Variants in GTF2E1 observed in about 807,000 individuals in gnomAD.
The protein encoded by GTF2E1 is general transcription factor IIE subunit 1.
In GTF2E1, 14 loss-of-function variants were observed where a neutral mutation model predicts 34.9. The ratio of observed to expected loss-of-function variants is 0.40; its 90% CI spans 0.27 to 0.63. The LOEUF (loss-of-function observed/expected upper bound fraction) is 0.63. GTF2E1 is among the 20% of genes least tolerant of loss of function. The pLI, the probability that GTF2E1 is intolerant of heterozygous loss-of-function variation, is 0.39. For missense variants in GTF2E1, 469 were observed against 557.7 expected (o/e 0.84, Z 1.60); for synonymous variants, 188 against 192.9 (o/e 0.97, Z 0.21).
chr3:120,761,040 G>T (rs1559831818), intron 2 of GTF2E1, among the ~76,000 whole-genome samples: 2 of 151,362 alleles, frequency 1.3e-5, no homozygotes, highest in African/African-American at 4.8e-5. Flanking sequence ...ATTCAGCTGT[G>T]TCTGGTCCTG....
chr3:120,775,377 T>C (rs1323156736), intron 3 of GTF2E1, among the ~76,000 whole-genome samples: 1 of 151,930 alleles, frequency 6.6e-6, no homozygotes, highest in East Asian at 1.9e-4. Flanking sequence ...CCCAAAAGGT[T>C]TGGAGTGAGC....
chr3:120,758,755 C>CA (rs1371145627), intron 2 of GTF2E1, among the ~76,000 whole-genome samples: 1 of 152,110 alleles, frequency 6.6e-6, no homozygotes, highest in Admixed American at 6.6e-5. Context: ...ATGAACTTAT[C>CA]TTTTTTATGG....
intron 2 of GTF2E1, among the ~76,000 whole-genome samples, chr3:120,751,392 G>GTA (rs1255802869): frequency 1.3e-5 from 2 of 152,164 alleles, no homozygotes; most frequent in Non-Finnish European, 1.5e-5. Flanking sequence ...GGTATCAGGA[G>GTA]TATATAACTA....
intron 2 of GTF2E1, among the ~76,000 whole-genome samples, chr3:120,754,342 A>G (rs924213484): frequency 3.3e-5 from 5 of 152,186 alleles, no homozygotes; most frequent in Admixed American, 3.3e-4. Flanking sequence ...CCAGCCTTTT[A>G]CGTATTACCT....
At position 120,768,753 on chromosome 3, in the gene GTF2E1, T is replaced by C. The variant is rs182198309; in HGVS notation, c.449-1975T>C. On this transcript the variant is annotated intron_variant, in intron 2 of 4. Transcript: ENST00000283875. The stretch of plus-strand genomic sequence containing the variant: ...CCCACATGATTATATTCCTTGCTTC[T>C]GTTGAAGAGAAGAGGCTGAGACAGC... Among the ~76,000 whole-genome samples, 209 of 152,328 alleles carry C rather than the reference T, an allele frequency of 1.4e-3. 1 individual carries two copies. The highest frequency in any genetic ancestry group is 5.6e-3 in the Admixed American group (85 of 15,302).
Position 120,752,815 on chromosome 3 carries a change from G to A in GTF2E1, c.448+1815G>A, listed in dbSNP as rs754729609. ...GACTATTTTTAATGTGAGGGCTATG[G>A]TCAGCATGAAGATGAAAAGAAGGGG... On this transcript the variant is annotated intron_variant, in intron 2 of 4. Transcript: ENST00000283875. Among the ~76,000 whole-genome samples the A allele has an allele frequency of 7.6e-4, 115 of 152,274 alleles. 1 individual carries two copies. Among genetic ancestry groups the A allele is most frequent in the Non-Finnish European group, 3.8e-4 (26 of 68,006 alleles).
intron 2 of GTF2E1, among the ~76,000 whole-genome samples, chr3:120,753,546 G>A (rs1249939452): frequency 6.6e-6 from 1 of 152,142 alleles, no homozygotes; most frequent in East Asian, 1.9e-4. Flanking sequence ...AATTGGATTT[G>A]AAGCCTGCTA....
intron 2 of GTF2E1, among the ~76,000 whole-genome samples, chr3:120,756,235 C>T (rs374034158): frequency 1.3e-5 from 2 of 152,148 alleles, no homozygotes; most frequent in East Asian, 1.9e-4. Flanking sequence ...CAACAGTGTA[C>T]GACAGTTCCC....
intron 2 of GTF2E1, among the ~76,000 whole-genome samples, chr3:120,770,166 T>C (rs1009587409): frequency 6.6e-6 from 1 of 152,206 alleles, no homozygotes; most frequent in South Asian, 2.1e-4. Context: ...AGAACCAAAC[T>C]GGAAATCCAG....
chr3:120,764,692 C>T (rs760733263), intron 2 of GTF2E1, among the ~76,000 whole-genome samples: 5 of 152,164 alleles, frequency 3.3e-5, no homozygotes, highest in South Asian at 2.1e-4. Context: ...CCTAGTGTCA[C>T]GTATCTGTGT....
chr3:120,781,359 C>G lies in GTF2E1; in HGVS notation c.1209C>G (p.Phe403Leu). ...DPIVMVAGRP[F>L]SYSEVSQRPE... Reference sequence around the variant, plus strand: ...TTGTCATGGTGGCTGGCCGTCCGTTCTCCTACAGTGAAGTGAGCCAACGGC... The same window carrying G: ...TTGTCATGGTGGCTGGCCGTCCGTTGTCCTACAGTGAAGTGAGCCAACGGC... Residue 403 changes from phenylalanine to leucine, a missense_variant, in exon 5 of 5, where the codon TTC becomes TTG. Coordinates refer to ENST00000283875, the MANE Select transcript of GTF2E1 (RefSeq NM_005513.3). The G allele has an allele frequency of 6.2e-7, 1 of 1,614,068 alleles. No homozygotes were observed. Among genetic ancestry groups the G allele is most frequent in the Non-Finnish European group, 8.5e-7 (1 of 1,179,926 alleles).
Position 120,781,391 on chromosome 3 carries a change from T to C in GTF2E1, c.1241T>C (p.Leu414Pro). 6.2e-7 allele frequency: 1 copy of C among 1,614,006 alleles called. No individual in the cohort carries two copies. ...AGTGAAGTGAGCCAACGGCCAGAGCTAGTGGCCCAGATGACACCAGAAGAA... is the reference window on the plus strand; with the variant it reads ...AGTGAAGTGAGCCAACGGCCAGAGCCAGTGGCCCAGATGACACCAGAAGAA... ...SYSEVSQRPE[L>P]VAQMTPEEKE... is the part of the protein sequence containing the mutation. Residue 414 changes from leucine to proline, a missense_variant, in exon 5 of 5, where the codon CTA becomes CCA. Physicochemically the swap from Leu to Pro is moderately conservative, Grantham distance 98. Transcript: ENST00000283875.
chr3:120,748,678 G>T (rs1434152853), intron 1 of GTF2E1, among the ~76,000 whole-genome samples: 1 of 152,214 alleles, frequency 6.6e-6, no homozygotes, highest in Middle Eastern at 3.2e-3. Context: ...TTGAAGTCAG[G>T]TAGCGTGATG....
intron 3 of GTF2E1, among the ~76,000 whole-genome samples, chr3:120,775,206 A>G (rs1239332186): frequency 6.6e-6 from 1 of 152,186 alleles, no homozygotes; most frequent in East Asian, 1.9e-4. Context: ...AAAATAGTGA[A>G]TGGCTTAGGA....
rs939906050 is a variant in GTF2E1, at chr3:120,750,731, G to A, written c.179G>A (p.Arg60Gln). The A allele has an allele frequency of 1.3e-5, 21 of 1,613,854 alleles. No individual in the cohort carries two copies. Among genetic ancestry groups the A allele is most frequent in the Non-Finnish European group, 1.7e-5 (20 of 1,179,948 alleles). ...ELLKFDRKQLRSVLNNLKGDK... is the reference protein window; with the variant it reads ...ELLKFDRKQLQSVLNNLKGDK... ...CTCAAGTTTGATCGGAAGCAACTTC[G>A]ATCAGTTTTGAATAATTTAAAGGGA... Residue 60 changes from arginine to glutamine, a missense_variant, in exon 2 of 5, where the codon CGA (arginine) becomes CAA (glutamine). By Grantham distance (43) the Arg-to-Gln change is conservative (BLOSUM62 1). Coordinates refer to ENST00000283875, the MANE Select transcript of GTF2E1 (RefSeq NM_005513.3).
rs754667589 is a variant in GTF2E1, at chr3:120,750,743, A to G, written c.191A>G (p.Asn64Ser). The G allele has an allele frequency of 1.9e-6, 3 of 1,614,104 alleles. No individual in the cohort carries two copies. Among genetic ancestry groups the G allele is most frequent in the Non-Finnish European group, 2.5e-6 (3 of 1,179,976 alleles). Residue 64 changes from asparagine to serine, a missense_variant, in exon 2 of 5, where the codon AAT (asparagine) becomes AGT (serine). Physicochemically the swap from Asn to Ser is conservative, Grantham distance 46 (BLOSUM62 1). Transcript: ENST00000283875. ...FDRKQLRSVL[N>S]NLKGDKFIKC... The stretch of plus-strand genomic sequence containing the variant: ...CGGAAGCAACTTCGATCAGTTTTGA[A>G]TAATTTAAAGGGAGACAAGTTTATC...
intron 3 of GTF2E1, among the ~76,000 whole-genome samples, chr3:120,771,142 A>C (rs1709347435): frequency 6.6e-6 from 1 of 152,144 alleles, no homozygotes; most frequent in Non-Finnish European, 1.5e-5. Context: ...GACTTCAGGC[A>C]AAAATCTTTA....
rs561772164 is a variant in GTF2E1, at chr3:120,770,497, G to A, written c.449-231G>A. Among the ~76,000 whole-genome samples the A allele has an allele frequency of 7.9e-5, 12 of 152,232 alleles. No individual in the cohort carries two copies. In the South Asian group the frequency reaches 2.5e-3, roughly 32 times the overall value. The stretch of plus-strand genomic sequence containing the variant: ...GTGATTAAAAACTATGCTGAAGTTA[G>A]GGATGAAATTACTTTGAATACATCA... On this transcript the variant is annotated intron_variant, in intron 2 of 4. Coordinates refer to ENST00000283875, the MANE Select transcript of GTF2E1 (RefSeq NM_005513.3).
chr3:120,763,313 G>C (rs951540602), intron 2 of GTF2E1, among the ~76,000 whole-genome samples: 2 of 151,956 alleles, frequency 1.3e-5, no homozygotes, highest in African/African-American at 4.8e-5. Flanking sequence ...TTTATAATGA[G>C]TTCCAGAATG....
Sources: allele counts gnomAD v4.1 joint callset (sites outside exome capture counted in the v4.1 genomes callset), GRCh38; gene constraint gnomAD v4.1.1; transcripts MANE v1.5; gene names NCBI Gene and HGNC (gene_info 2026-07-23, HGNC 2026-07-21).